PCDHGB6: variants seen among roughly 807,000 people sequenced by gnomAD.
PCDHGB6 encodes the protein protocadherin gamma-B6.
In PCDHGB6, 51 loss-of-function variants were observed where a neutral mutation model predicts 59.1. That is an observed-to-expected ratio of 0.86 (90% CI 0.69 to 1.09). PCDHGB6 has a LOEUF of 1.09. Ranked by LOEUF, PCDHGB6 falls within the 50% of genes least tolerant of loss-of-function variation. The pLI is 0.00. For synonymous variants in PCDHGB6, 466 were observed against 495.1 expected (o/e 0.94, Z 0.78); for missense variants, 1,148 against 1,205.1 (o/e 0.95, Z 0.70).
At position 141,431,134 on chromosome 5, in the gene PCDHGB6, C is replaced by T; in HGVS notation, c.2418+20514C>T. 1 of 1,614,212 alleles carries T rather than the reference C, an allele frequency of 6.2e-7. No homozygotes were observed. The highest frequency in any genetic ancestry group is 2.2e-5 in the East Asian group (1 of 44,890). On this transcript the variant is annotated intron_variant, in intron 1 of 3. Coordinates refer to ENST00000520790, the MANE Select transcript of PCDHGB6 (RefSeq NM_018926.3). This position sits in a 1 kb window ranked among gnomAD's most constrained non-coding sequence, Gnocchi z 4.8. ...ATGGAGTAGAAGTAGAAGTAAGGGA[C>T]ATTAACGACAATGCGCCTTACTTTC...
At chr5:141,510,366 T>A (rs1452829030) in intron 3 of PCDHGB6, among the ~76,000 whole-genome samples, 1 of 140,062 alleles carries the variant, frequency 7.1e-6, no homozygotes, top group Non-Finnish European at 1.6e-5. Context: ...AACTACCGAA[T>A]CTCTACTCGT....
At chr5:141,413,066 A>T in intron 1 of PCDHGB6, 2 of 1,161,944 alleles carry the variant, frequency 1.7e-6, no homozygotes, top group Non-Finnish European at 2.4e-6. Flanking sequence ...TCCAGAATTT[A>T]AAGTGCCCAG....
intron 1 of PCDHGB6, chr5:141,419,935 G>T: frequency 6.2e-7 from 1 of 1,614,070 alleles, no homozygotes; most frequent in Non-Finnish European, 8.5e-7. Flanking sequence ...AGTTTTACCT[G>T]GTGGTGGCCT....
At chr5:141,464,400 G>GAGATATATATATATCTATATATAT (rs2099082782) in intron 1 of PCDHGB6, among the ~76,000 whole-genome samples, 3 of 151,366 alleles carry the variant, frequency 2.0e-5, no homozygotes, top group African/African-American at 4.9e-5. Context: ...TGAAGAACCT[G>GAGATATATATATATCTATATATAT]AGATATATAT....
Position 141,510,960 on chromosome 5 carries a change from G to C in PCDHGB6, c.2580G>C (p.Gly860=). The change falls in exon 4 of 4, where the codon GGG becomes GGC. Residue 860 remains glycine, a synonymous_variant. Transcript: ENST00000520790. ...CTGTCTCTGCAGAAGCTGCTGATGG[G>C]AGCTCCACCCTGGGAGGGGGTGCCG... The part of the protein sequence containing the change: ...ILASASEAAD[G]SSTLGGGAGT... 1 of 1,614,120 alleles carries C rather than the reference G, an allele frequency of 6.2e-7. No homozygotes were observed. Among genetic ancestry groups the C allele is most frequent in the Non-Finnish European group, 8.5e-7 (1 of 1,180,022 alleles).
At chr5:141,429,045 G>C (rs919761577) in intron 1 of PCDHGB6, 15 of 151,954 alleles carry the variant, frequency 9.9e-5, no homozygotes, top group African/African-American at 2.9e-4. Context: ...TAGTACAGAC[G>C]GGGTTTCACC....
At chr5:141,464,282 A>AG (rs1318553407) in intron 1 of PCDHGB6, among the ~76,000 whole-genome samples, 1 of 151,396 alleles carries the variant, frequency 6.6e-6, no homozygotes, top group Non-Finnish European at 1.5e-5. Flanking sequence ...AAAAAAGCAA[A>AG]AAAAAAAACT....
In PCDHGB6 at chr5:141,485,216, G is replaced by C. The variant is rs757059807; in HGVS notation, c.2419-9591G>C. On this transcript the variant is annotated intron_variant, in intron 1 of 3. Transcript: ENST00000520790. The surrounding 1 kb of genome is among the most constrained non-coding windows in gnomAD (Gnocchi z 5.7). ...AAGCTGGACAGAAATCTGGCGGTGG[G>C]CTACCCTTTTGTTCCTCTTTTACCA... 2.5e-6 allele frequency: 4 copies of C among 1,614,144 alleles called. No homozygotes were observed. In the South Asian group the frequency reaches 4.4e-5, roughly 18 times the overall value.
intron 1 of PCDHGB6, among the ~76,000 whole-genome samples, chr5:141,430,380 T>C (rs1464446838): frequency 2.7e-5 from 4 of 147,890 alleles, no homozygotes; most frequent in Non-Finnish European, 4.5e-5. Flanking sequence ...AAAAGCTCAT[T>C]GGGAAAAAAA....
At chr5:141,420,722 A>G (rs1428516588) in intron 1 of PCDHGB6, among the ~76,000 whole-genome samples, 1 of 152,226 alleles carries the variant, frequency 6.6e-6, no homozygotes, top group African/African-American at 2.4e-5. Context: ...CGTTCCTTTC[A>G]GTCGGTTAAA....
intron 1 of PCDHGB6, among the ~76,000 whole-genome samples, chr5:141,455,749 C>A (rs2098830563): frequency 6.6e-6 from 1 of 152,086 alleles, no homozygotes; most frequent in Non-Finnish European, 1.5e-5. Context: ...AGGTTGCTGG[C>A]CTGGCTCCTA....
At chr5:141,436,425 G>A (rs2097823674) in intron 1 of PCDHGB6, among the ~76,000 whole-genome samples, 2 of 152,268 alleles carry the variant, frequency 1.3e-5, no homozygotes, top group Non-Finnish European at 2.9e-5. Context: ...AACAAATAAT[G>A]TACTCTGGGG....
chr5:141,497,954 G>A (rs1203635313), intron 2 of PCDHGB6, among the ~76,000 whole-genome samples: 7 of 152,198 alleles, frequency 4.6e-5, no homozygotes, highest in Non-Finnish European at 1.5e-5. Context: ...CTTTCTGTTG[G>A]CCAGGCAGTG....
At chr5:141,413,956 G>C in intron 1 of PCDHGB6, 11 of 1,613,484 alleles carry the variant, frequency 6.8e-6, no homozygotes, top group Non-Finnish European at 9.3e-6. Context: ...GAATTTGCCT[G>C]TGGGCACTCA....
chr5:141,468,549 C>T (rs1289802190), intron 1 of PCDHGB6: 2 of 151,940 alleles, frequency 1.3e-5, no homozygotes, highest in Non-Finnish European at 2.9e-5. Flanking sequence ...ACATATTTAA[C>T]ATTTGTGATA....
rs1488294674 is a variant in PCDHGB6 at position 141,409,528 on chromosome 5, C to T, written c.1326C>T (p.Val442=). ...LSSSRSITLY[V]ADINDNAPVF... ...CCAGTAGAAGCATCACCTTGTATGT[C>T]GCTGACATCAACGACAACGCCCCAG... The change falls in exon 1 of 4, where the codon GTC becomes GTT. Residue 442 remains valine (V), a synonymous_variant. Transcript: ENST00000520790. The T allele has an allele frequency of 3.1e-6, 5 of 1,613,882 alleles. No homozygotes were observed. The highest frequency in any genetic ancestry group is 4.2e-6 in the Non-Finnish European group (5 of 1,179,908).
At chr5:141,474,041 GC>G (rs1242668125) in intron 1 of PCDHGB6, among the ~76,000 whole-genome samples, 3 of 152,140 alleles carry the variant, frequency 2.0e-5, no homozygotes. Context: ...CTGTACTCCA[GC>G]CTGGATGACA....
Position 141,412,905 on chromosome 5 carries a change from A to G in PCDHGB6, c.2418+2285A>G, listed in dbSNP as rs145108034. The stretch of plus-strand genomic sequence containing the variant: ...AACAGAATAGTTTACTTTCCATTGC[A>G]TGTATCACTTGGGTGCAGTAACTTC... On this transcript the variant is annotated intron_variant, in intron 1 of 3. Coordinates refer to ENST00000520790, the MANE Select transcript of PCDHGB6 (RefSeq NM_018926.3). 1.3e-3 allele frequency: 513 copies of G among 382,556 alleles called. 6 individuals are homozygous for G. The East Asian group carries it at 0.015, about 11-fold the overall frequency. 23.7% of individuals were successfully genotyped at this position (382,556 alleles called of 1,614,324 possible).
chr5:141,500,461 G>A (rs1343646600), intron 2 of PCDHGB6, among the ~76,000 whole-genome samples: 1 of 151,910 alleles, frequency 6.6e-6, no homozygotes, highest in Non-Finnish European at 1.5e-5. Flanking sequence ...CGCCCGCCTC[G>A]GCCTCCCAAA....
Sources: allele counts gnomAD v4.1 joint callset (sites outside exome capture counted in the v4.1 genomes callset), GRCh38; gene constraint gnomAD v4.1.1; non-coding constraint Gnocchi (gnomAD v3.1); transcripts MANE v1.5; gene names NCBI Gene and HGNC (gene_info 2026-07-23, HGNC 2026-07-21).